The following L3MBTL3 variants were observed in gnomAD, a reference collection of about 807,000 sequenced individuals.
L3MBTL3 encodes the protein lethal(3)malignant brain tumor-like protein 3.
In L3MBTL3, 27 loss-of-function variants were observed where a neutral mutation model predicts 102.3. That is an observed-to-expected ratio of 0.26 (90% CI 0.19 to 0.36). L3MBTL3 has a LOEUF of 0.36. Ranked by LOEUF, L3MBTL3 falls within the 10% of genes least tolerant of loss-of-function variation. The pLI is 1.00. For missense variants in L3MBTL3, 798 were observed against 955.3 expected, an observed-to-expected ratio of 0.84 and a Z score of 2.17; for synonymous variants, 340 against 320.9, an observed-to-expected ratio of 1.06 and a Z score of -0.64.
intron 17 of L3MBTL3, among the ~76,000 whole-genome samples, 157 bp from the exon 18 acceptor site, chr6:130,094,108 A>G (rs1424677569): frequency 6.6e-6 from 1 of 152,166 alleles, no homozygotes; most frequent in Non-Finnish European, 1.5e-5. Context: ...AATATTTTTC[A>G]TTTTTATAGG....
Position 130,052,881 on chromosome 6 carries a change from G to A in L3MBTL3, c.472G>A (p.Val158Ile), listed in dbSNP as rs758860319. Residue 158 changes from valine to isoleucine, a missense_variant, in exon 7 of 23, where the codon GTA (valine) becomes ATA (isoleucine). Val to Ile is a conservative substitution (Grantham distance 29). This residue lies in a region of L3MBTL3 where 434 missense variants were observed against 506.6 expected (regional missense o/e 0.86). Coordinates refer to ENST00000361794, the MANE Select transcript of L3MBTL3 (RefSeq NM_032438.4). Reference sequence around the variant, plus strand: ...CAGAGATCAGAAGGAAGAAAGGGACGTAGAAGAAGACAATGAGGAAGAAGA... The same window carrying A: ...CAGAGATCAGAAGGAAGAAAGGGACATAGAAGAAGACAATGAGGAAGAAGA... Reference protein sequence around the residue: ...KDKDQKEERDVEEDNEEEDPK... With the variant: ...KDKDQKEERDIEEDNEEEDPK... The A allele has an allele frequency of 5.6e-6, 9 of 1,613,456 alleles. No homozygotes were observed. The highest frequency in any genetic ancestry group is 2.2e-5 in the East Asian group (1 of 44,892).
intron 9 of L3MBTL3, among the ~76,000 whole-genome samples, chr6:130,058,333 G>T (rs1781661091): frequency 6.6e-6 from 1 of 151,914 alleles, no homozygotes; most frequent in African/African-American, 2.4e-5. Context: ...GATGTCCCTG[G>T]ACTAAACCAA....
intron 7 of L3MBTL3, among the ~76,000 whole-genome samples, chr6:130,054,477 A>G (rs1304078917): frequency 6.6e-6 from 1 of 152,218 alleles, no homozygotes; most frequent in Non-Finnish European, 1.5e-5. Flanking sequence ...AAGGCTGAAG[A>G]TGATGGAAGT....
At chr6:130,051,201 TG>T in intron 5 of L3MBTL3, 47 bp from the exon 6 acceptor site, 1 of 1,483,736 alleles carries the variant, frequency 6.7e-7, no homozygotes, top group Non-Finnish European at 9.2e-7. Flanking sequence ...TATTTTAGAA[TG>T]TCTTCTGTCA....
At position 130,049,924 on chromosome 6, in the gene L3MBTL3, C is replaced by T. The variant is rs1780986799; in HGVS notation, c.289+94C>T. ...GCTCTTTCTTCCCTAACCCATATTT[C>T]AGTTGACAATAGCACCATCCACCCA... On this transcript the variant is annotated intron_variant, in intron 5 of 22. Transcript: ENST00000361794. The T allele has an allele frequency of 3.4e-6, 5 of 1,457,154 alleles. No homozygotes were observed. The South Asian group carries it at 7.1e-5, about 21-fold the overall frequency. The allele number at this position is 1,457,154 out of a possible 1,614,324, so 90.3% of individuals were successfully genotyped here. A position where few individuals can be genotyped will look rare whatever the true frequency, so the allele number is the denominator to read the frequency against.
At chr6:130,082,199 TATTTTCTGGAGAGATAC>T (rs1562295130) in intron 14 of L3MBTL3, among the ~76,000 whole-genome samples, 1 of 152,192 alleles carries the variant, frequency 6.6e-6, no homozygotes, top group East Asian at 1.9e-4. Flanking sequence ...AACTAATAAG[TATTTTCTGGAGAGATAC>T]ATTTTCTGGA....
intron 1 of L3MBTL3, among the ~76,000 whole-genome samples, chr6:130,019,976 A>AGGCGGCGGCGGCGGTCGCGGC (rs1274727830): frequency 1.6e-5 from 1 of 64,302 alleles, no homozygotes; most frequent in Non-Finnish European, 2.9e-5. Context: ...GTGTGTCGGG[A>AGGCGGCGGCGGCGGTCGCGGC]GGCGGCGGCG....
intron 3 of L3MBTL3, among the ~76,000 whole-genome samples, chr6:130,045,359 G>T (rs745489392): frequency 6.6e-6 from 1 of 152,084 alleles, no homozygotes; most frequent in Non-Finnish European, 1.5e-5. Context: ...CTGGGCTATC[G>T]CATGCTTATA....
At chr6:130,106,283 C>T (rs1784976669) in intron 19 of L3MBTL3, among the ~76,000 whole-genome samples, 1 of 152,056 alleles carries the variant, frequency 6.6e-6, no homozygotes, top group African/African-American at 2.4e-5. Flanking sequence ...GAGGTCTGAC[C>T]TGCCATTACT....
intron 22 of L3MBTL3, among the ~76,000 whole-genome samples, chr6:130,135,196 G>A (rs181717654): frequency 6.6e-6 from 1 of 151,672 alleles, no homozygotes; most frequent in Non-Finnish European, 1.5e-5. Context: ...GAGTAGCTGG[G>A]ATTACAGGTG....
At chr6:130,119,338 G>A (rs1238721187) in intron 19 of L3MBTL3, among the ~76,000 whole-genome samples, 1 of 152,110 alleles carries the variant, frequency 6.6e-6, no homozygotes. Context: ...TTCTGGGATA[G>A]AATTTGTGCA....
At chr6:130,093,030 GA>G (rs1315250138) in intron 17 of L3MBTL3, among the ~76,000 whole-genome samples, 171 bp downstream of exon 17, 1 of 151,474 alleles carries the variant, frequency 6.6e-6, no homozygotes, top group African/African-American at 2.4e-5. Flanking sequence ...AATATAAATG[GA>G]AAAAAAACTT....
At chr6:130,101,693 G>A (rs549041476) in intron 18 of L3MBTL3, among the ~76,000 whole-genome samples, 4 of 152,276 alleles carry the variant, frequency 2.6e-5, no homozygotes, top group South Asian at 2.1e-4. Context: ...TCGTTTTGAG[G>A]GAGTGTGTTG....
At chr6:130,030,929 C>T (rs1485769028) in intron 2 of L3MBTL3, among the ~76,000 whole-genome samples, 1 of 152,104 alleles carries the variant, frequency 6.6e-6, no homozygotes. Context: ...AATGACAAAG[C>T]ATTGAAGAAA....
chr6:130,075,887 A>G (rs1384238670), intron 13 of L3MBTL3, among the ~76,000 whole-genome samples: 5 of 152,224 alleles, frequency 3.3e-5, no homozygotes, highest in Non-Finnish European at 7.3e-5. Flanking sequence ...GGGTGATGAG[A>G]TGCTATCACC....
intron 10 of L3MBTL3, among the ~76,000 whole-genome samples, chr6:130,062,520 G>A (rs1316500890): frequency 2.0e-5 from 3 of 151,376 alleles, no homozygotes; most frequent in African/African-American, 7.3e-5. Context: ...CATGTAGCTG[G>A]GACCACAGGC....
At chr6:130,109,788 A>G (rs1026018633) in intron 19 of L3MBTL3, among the ~76,000 whole-genome samples, 7 of 152,270 alleles carry the variant, frequency 4.6e-5, no homozygotes, top group Admixed American at 2.0e-4. Context: ...GCCCATGCCT[A>G]TGTCCTGAAT....
At chr6:130,120,484 C>T (rs920658555) in intron 19 of L3MBTL3, among the ~76,000 whole-genome samples, 2 of 152,230 alleles carry the variant, frequency 1.3e-5, no homozygotes, top group South Asian at 2.1e-4. Flanking sequence ...AGTGCTGAGT[C>T]GTATATAGTG....
intron 2 of L3MBTL3, among the ~76,000 whole-genome samples, chr6:130,034,335 T>C (rs372153481): frequency 4.6e-5 from 7 of 152,360 alleles, no homozygotes; most frequent in African/African-American, 1.7e-4. Flanking sequence ...ATTCCTTCCG[T>C]AAAATTGCTA....
Sources: gnomAD v4.1 joint callset for allele counts (sites outside exome capture counted in the v4.1 genomes callset) on GRCh38, gnomAD v4.1.1 for gene constraint, gnomAD v4.1.1 regional missense constraint, MANE v1.5 for transcripts, NCBI Gene and HGNC (gene_info 2026-07-23, HGNC 2026-07-21) for gene names.